The following IKBKG variants were observed in gnomAD, a reference collection of about 807,000 sequenced individuals.
The protein encoded by IKBKG is inhibitor of nuclear factor kappa B kinase regulatory subunit gamma, also known as NF-kappa-B essential modulator.
IKBKG carries 2 observed loss-of-function variants against 13.7 expected under a neutral mutation model. The ratio of observed to expected loss-of-function variants is 0.15; its 90% CI spans 0.06 to 0.46. The LOEUF (loss-of-function observed/expected upper bound fraction) is 0.46. IKBKG is among the 20% of genes least tolerant of loss of function. The probability of loss-of-function intolerance (pLI) is 0.98; values close to 1 mark genes in which losing one functional copy is unlikely to be tolerated. For missense variants in IKBKG, 53 were observed against 150.3 expected, an observed-to-expected ratio of 0.35 and a Z score of 3.39; for synonymous variants, 22 against 64.4, an observed-to-expected ratio of 0.34 and a Z score of 3.15.
intron 1 of IKBKG, chrX:154,542,147 T>C (rs1019785049): frequency 8.2e-6 from 4 of 490,760 alleles, no homozygotes; most frequent in Admixed American, 8.3e-5. Flanking sequence ...AAGAATCTTA[T>C]CAGACCAATG....
At chrX:154,552,583 T>A in intron 2 of IKBKG, among the ~76,000 whole-genome samples, 1 of 108,588 alleles carries the variant, frequency 9.2e-6, no homozygotes, top group East Asian at 2.9e-4. Flanking sequence ...GAGTCGGCGC[T>A]GGGAAGAGGC....
upstream of IKBKG, chrX:154,547,185 C>G (rs1603415917): frequency 1.8e-5 from 5 of 281,584 alleles, no homozygotes; most frequent in African/African-American, 2.9e-5. Flanking sequence ...CCTGCCCCGG[C>G]GGCCTCGCGC....
chrX:154,563,221 G>T (rs2071150423), intron 7 of IKBKG, among the ~76,000 whole-genome samples: 1 of 28,720 alleles, frequency 3.5e-5, no homozygotes, highest in African/African-American at 3.0e-4. Flanking sequence ...TAGAGACAGG[G>T]TTTCACCATG....
chrX:154,545,940 C>A, upstream of IKBKG: 1 of 1,098,030 alleles, frequency 9.1e-7, no homozygotes, highest in Non-Finnish European at 1.2e-6. Context: ...CTCAACTTAG[C>A]AGAGCCTGTG....
upstream of IKBKG, among the ~76,000 whole-genome samples, chrX:154,543,137 C>A (rs1233325587): frequency 8.9e-6 from 1 of 112,016 alleles, no homozygotes; most frequent in Non-Finnish European, 1.9e-5. Flanking sequence ...ATCTCCCCCA[C>A]AGCAGGAAGA....
chrX:154,553,020 G>A (rs2070976825), intron 2 of IKBKG, among the ~76,000 whole-genome samples: 1 of 112,626 alleles, frequency 8.9e-6, no homozygotes, highest in Admixed American at 9.3e-5. Context: ...CTGCTGCGGG[G>A]GCCTTCTAAG....
intron 1 of IKBKG, among the ~76,000 whole-genome samples, chrX:154,550,260 ATG>A (rs781959969): frequency 5.3e-4 from 50 of 93,957 alleles, no homozygotes; most frequent in Admixed American, 9.5e-4. Context: ...GTGTGTGTGT[ATG>A]TGTGTGTGTG....
intron 1 of IKBKG, among the ~76,000 whole-genome samples, chrX:154,550,341 A>T (rs1387657677): frequency 2.0e-5 from 2 of 101,482 alleles, no homozygotes; most frequent in East Asian, 3.0e-4. Flanking sequence ...CCATCAGCTG[A>T]TAACAAAGAA....
intron 2 of IKBKG, among the ~76,000 whole-genome samples, chrX:154,554,803 C>T (rs781888998): frequency 6.3e-5 from 7 of 111,593 alleles, no homozygotes; most frequent in East Asian, 2.8e-4. Flanking sequence ...GCAGAGCAAG[C>T]GGGATTCTGA....
At chrX:154,552,973 C>T (rs906932213) in intron 2 of IKBKG, among the ~76,000 whole-genome samples, 11 of 112,056 alleles carry the variant, frequency 9.8e-5, no homozygotes, top group Non-Finnish European at 2.1e-4. Context: ...GTTAGCCTGG[C>T]GGGGCCAGGT....
At chrX:154,547,535 C>T (rs1407852065), upstream of IKBKG, 1 of 754,954 alleles carries the variant, frequency 1.3e-6, no homozygotes, top group Admixed American at 8.5e-5. Flanking sequence ...GCGGCCCTAC[C>T]GCGGCCTCAC....
intron 1 of IKBKG, among the ~76,000 whole-genome samples, chrX:154,541,921 C>T (rs1317066593): frequency 8.9e-6 from 1 of 112,175 alleles, no homozygotes; most frequent in Non-Finnish European, 1.9e-5. Flanking sequence ...CATCCCATCC[C>T]CAAGGGTCAC....
chrX:154,542,343 C>T (rs782789442), exon 2 of IKBKG: 1 of 1,199,696 alleles, frequency 8.3e-7, no homozygotes, highest in African/African-American at 1.8e-5. Flanking sequence ...AGTCTCTTCC[C>T]CTCACTCCCT....
upstream of IKBKG, among the ~76,000 whole-genome samples, chrX:154,544,347 A>G (rs1441496712): frequency 1.8e-5 from 2 of 110,227 alleles, no homozygotes; most frequent in Admixed American, 1.9e-4. Context: ...TTTTTAGTAG[A>G]GATGGGGTTT....
upstream of IKBKG, chrX:154,545,698 G>C (rs2070684340): frequency 4.3e-6 from 1 of 233,996 alleles, no homozygotes; most frequent in African/African-American, 2.9e-5. Context: ...AGCCGGGTGT[G>C]GTGGTGCATG....
chrX:154,554,212 C>T (rs1318451834), intron 2 of IKBKG, among the ~76,000 whole-genome samples: 4 of 112,107 alleles, frequency 3.6e-5, no homozygotes, highest in Non-Finnish European at 7.5e-5. Flanking sequence ...GAGAGATTCA[C>T]GAAGAAGTTG....
At chrX:154,547,089 T>G, upstream of IKBKG, 8 of 150,358 alleles carry the variant, frequency 5.3e-5, no homozygotes, top group East Asian at 1.7e-4. Flanking sequence ...GCATCCCCAA[T>G]TCCGGCGGGC....
upstream of IKBKG, chrX:154,547,240 C>A: frequency 4.7e-6 from 3 of 639,807 alleles, no homozygotes; most frequent in Non-Finnish European, 3.7e-6. Context: ...GCCACGCCTC[C>A]TCTGGGCTGT....
upstream of IKBKG, chrX:154,542,375 G>C: frequency 8.3e-7 from 1 of 1,207,927 alleles, no homozygotes; most frequent in Non-Finnish European, 1.1e-6. Flanking sequence ...CAGCATCATC[G>C]AGGTCCCATC....
Sources: allele counts gnomAD v4.1 joint callset (sites outside exome capture counted in the v4.1 genomes callset), GRCh38; gene constraint gnomAD v4.1.1; transcripts MANE v1.5; gene names NCBI Gene and HGNC (gene_info 2026-07-23, HGNC 2026-07-21).